The following PLXDC2 variants were observed in gnomAD, a reference collection of about 807,000 sequenced individuals.
PLXDC2 encodes the protein plexin domain containing 2.
PLXDC2 carries 40 observed loss-of-function variants against 68.9 expected under a neutral mutation model. The observed-to-expected ratio is 0.58, with a 90% CI of 0.45 to 0.76. The LOEUF (loss-of-function observed/expected upper bound fraction) is 0.76, where lower values mean the gene tolerates loss of function less well. Among genes scored for constraint, PLXDC2 ranks in the 30% least tolerant of loss-of-function variants. The pLI, the probability that PLXDC2 is intolerant of heterozygous loss-of-function variation, is 0.00. For missense variants in PLXDC2, 644 were observed against 661.9 expected (o/e 0.97, Z 0.30); for synonymous variants, 243 against 234.2 (o/e 1.04, Z -0.34).
intron 6 of PLXDC2, among the ~76,000 whole-genome samples, chr10:20,151,121 T>G (rs1834147018): frequency 2.6e-5 from 4 of 152,220 alleles, no homozygotes; most frequent in Non-Finnish European, 5.9e-5. Context: ...CACTTTTTGC[T>G]TCCCAATAAT....
In PLXDC2 at chr10:20,189,504, T is replaced by C. The variant is rs112673113; in HGVS notation, c.1061+12095T>C. Among the ~76,000 whole-genome samples, 127 of 121,516 alleles carry C rather than the reference T, an allele frequency of 1.0e-3. 2 individuals carry two copies. The highest frequency in any genetic ancestry group is 1.4e-3 in the Admixed American group (15 of 11,100). The allele number at this position is 121,516 out of a possible 152,430, so 79.7% of individuals were successfully genotyped here. A position where few individuals can be genotyped will look rare whatever the true frequency, so the allele number is the denominator to read the frequency against. On this transcript the variant is annotated intron_variant, in intron 9 of 13. Coordinates refer to ENST00000377252, the MANE Select transcript of PLXDC2 (RefSeq NM_032812.9). Reference sequence around the variant, plus strand: ...ATATATATATATATATATATATATATACACATACACACACATATATATACA... The same window carrying C: ...ATATATATATATATATATATATATACACACATACACACACATATATATACA...
chr10:20,192,721 T>A (rs530690909), intron 9 of PLXDC2, among the ~76,000 whole-genome samples: 11 of 152,194 alleles, frequency 7.2e-5, no homozygotes, highest in African/African-American at 2.6e-4. Context: ...TAATCTTTGA[T>A]GTTAACATTT....
At chr10:19,912,314 A>G (rs559879075) in intron 1 of PLXDC2, among the ~76,000 whole-genome samples, 82 of 152,340 alleles carry the variant, frequency 5.4e-4, no homozygotes, top group South Asian at 1.9e-3. Context: ...CTTATCTTGA[A>G]ATAAAATTCA....
chr10:20,117,094 T>C (rs1237657181), intron 4 of PLXDC2, among the ~76,000 whole-genome samples: 1 of 151,318 alleles, frequency 6.6e-6, no homozygotes, highest in South Asian at 2.1e-4. Context: ...TTGTAGAATA[T>C]AAAATCAATA....
At chr10:20,001,687 A>G in intron 1 of PLXDC2, 88 bp from the exon 2 acceptor site, 2 of 1,193,558 alleles carry the variant, frequency 1.7e-6, no homozygotes, top group Non-Finnish European at 2.4e-6. Context: ...CGTGCCTCAC[A>G]GAATTCTTTT....
At chr10:19,869,483 A>AGG (rs1837492156) in intron 1 of PLXDC2, among the ~76,000 whole-genome samples, 2 of 8,322 alleles carry the variant, frequency 2.4e-4, no homozygotes, top group Non-Finnish European at 4.3e-4. Context: ...GGGGGGGGAG[A>AGG]GGGTGGGAGG....
intron 9 of PLXDC2, among the ~76,000 whole-genome samples, chr10:20,205,153 A>G (rs1253257003): frequency 6.6e-6 from 1 of 152,116 alleles, no homozygotes; most frequent in Non-Finnish European, 1.5e-5. Flanking sequence ...TCTTGAATTG[A>G]TACATGCCAC....
At chr10:19,846,472 T>A (rs1837012040) in intron 1 of PLXDC2, among the ~76,000 whole-genome samples, 1 of 152,210 alleles carries the variant, frequency 6.6e-6, no homozygotes, top group Non-Finnish European at 1.5e-5. Flanking sequence ...GCGTTATTGA[T>A]GTGATACCTT....
intron 7 of PLXDC2, among the ~76,000 whole-genome samples, chr10:20,174,022 C>T (rs761460284): frequency 6.6e-6 from 1 of 152,100 alleles, no homozygotes; most frequent in East Asian, 1.9e-4. Context: ...TCCATACGCA[C>T]GATCAATAAC....
rs576271276 is a variant in PLXDC2, at chr10:20,130,428, G to C, written c.542-12867G>C. On this transcript the variant is annotated intron_variant, in intron 4 of 13. Coordinates refer to ENST00000377252, the MANE Select transcript of PLXDC2 (RefSeq NM_032812.9). ...AGGAGTTTTAAGGGTTTTGTATATA[G>C]AGCATTATGTCATCTGCAAAGAAAA... is the stretch of plus-strand genomic sequence containing the variant. 1.4e-4 allele frequency among the ~76,000 whole-genome samples: 21 copies of C among 152,132 alleles called. No individual in the cohort carries two copies. In the Middle Eastern group the frequency reaches 0.01, roughly 74 times the overall value.
intron 3 of PLXDC2, among the ~76,000 whole-genome samples, chr10:20,061,455 T>G (rs1836101425): frequency 1.3e-5 from 2 of 152,210 alleles, no homozygotes; most frequent in Non-Finnish European, 2.9e-5. Context: ...GTGCATCATA[T>G]CATGAGGTAC....
At position 20,217,580 on chromosome 10, in the gene PLXDC2, C is replaced by T; in HGVS notation, c.1273+4C>T. The T allele has an allele frequency of 1.4e-6, 2 of 1,389,470 alleles. No individual in the cohort carries two copies. The highest frequency in any genetic ancestry group is 1.9e-6 in the Non-Finnish European group (2 of 1,028,238). 86.1% of individuals were successfully genotyped at this position (1,389,470 alleles called of 1,614,324 possible). On this transcript the variant is annotated splice_donor_region_variant and intron_variant, in intron 11 of 13. Coordinates refer to ENST00000377252, the MANE Select transcript of PLXDC2 (RefSeq NM_032812.9). ...CCCACCAGCCTCCCTACAGAAGGTA[C>T]CCAAGAGATAGTTTGCTTTTTTTTT...
chr10:19,962,584 G>A (rs1235377388), intron 1 of PLXDC2, among the ~76,000 whole-genome samples: 3 of 148,220 alleles, frequency 2.0e-5, no homozygotes, highest in African/African-American at 2.5e-5. Context: ...GTAGAGACGT[G>A]TTTCACCGTG....
At chr10:20,028,418 G>C (rs1008141509) in intron 2 of PLXDC2, among the ~76,000 whole-genome samples, 1 of 152,154 alleles carries the variant, frequency 6.6e-6, no homozygotes, top group African/African-American at 2.4e-5. Context: ...TTGAATATGA[G>C]AGGGAGGCCT....
At chr10:20,200,458 A>G (rs1834902196) in intron 9 of PLXDC2, among the ~76,000 whole-genome samples, 1 of 152,102 alleles carries the variant, frequency 6.6e-6, no homozygotes, top group Non-Finnish European at 1.5e-5. Flanking sequence ...GCTTGAATAA[A>G]TCTGCATAAA....
At chr10:20,242,651 T>A (rs1835532093) in intron 12 of PLXDC2, among the ~76,000 whole-genome samples, 1 of 152,194 alleles carries the variant, frequency 6.6e-6, no homozygotes, top group African/African-American at 2.4e-5. Context: ...ATGTTTATGA[T>A]GGCAGATACT....
chr10:20,154,557 C>G (rs1205302550), intron 6 of PLXDC2, among the ~76,000 whole-genome samples: 1 of 112,480 alleles, frequency 8.9e-6, no homozygotes, highest in African/African-American at 3.7e-5. Context: ...GAAGGAGACT[C>G]TGTCTCAAAA....
At position 19,961,175 on chromosome 10, in the gene PLXDC2, G is replaced by C. The variant is rs150432499; in HGVS notation, c.113-40600G>C. On this transcript the variant is annotated intron_variant, in intron 1 of 13. Transcript: ENST00000377252. ...CCCCAAATGAAATAATTATTGCATTGTTCTCCTGGAGATGGATGTAACCCC... is the reference window on the plus strand; with the variant it reads ...CCCCAAATGAAATAATTATTGCATTCTTCTCCTGGAGATGGATGTAACCCC... Among the ~76,000 whole-genome samples the C allele has an allele frequency of 1.6e-3, 249 of 152,290 alleles. 1 individual carries two copies. Among genetic ancestry groups the C allele is most frequent in the African/African-American group, 5.7e-3 (237 of 41,550 alleles).
At chr10:20,064,816 G>T (rs1836174810) in intron 3 of PLXDC2, among the ~76,000 whole-genome samples, 1 of 152,106 alleles carries the variant, frequency 6.6e-6, no homozygotes, top group Non-Finnish European at 1.5e-5. Context: ...TGTAGGATTG[G>T]AAAGATGAAT....
Sources: gnomAD v4.1 joint callset for allele counts (sites outside exome capture counted in the v4.1 genomes callset) on GRCh38, gnomAD v4.1.1 for gene constraint, MANE v1.5 for transcripts, NCBI Gene and HGNC (gene_info 2026-07-23, HGNC 2026-07-21) for gene names.